The following FGD1 variants were observed in gnomAD, a reference collection of about 807,000 sequenced individuals.
FGD1 encodes the protein FYVE, RhoGEF and PH domain-containing protein 1.
A neutral mutation model predicts 65.0 loss-of-function variants in FGD1; 12 were observed. The ratio of observed to expected loss-of-function variants is 0.18; its 90% CI spans 0.12 to 0.30. FGD1 has a LOEUF of 0.30. Ranked by LOEUF, FGD1 falls within the 10% of genes least tolerant of loss-of-function variation. The pLI, the probability that FGD1 is intolerant of heterozygous loss-of-function variation, is 1.00. For synonymous variants in FGD1, 333 were observed against 343.9 expected, an observed-to-expected ratio of 0.97 and a Z score of 0.35; for missense variants, 542 against 837.6, an observed-to-expected ratio of 0.65 and a Z score of 4.36.
Position 54,495,440 on chromosome X carries a change from G to C in FGD1, c.-8C>G. ...GGCTCGGTGGCCATGCATGGTCCGG[G>C]CCTGGGCGCGGGGCCCGAGCTCCCC... is the stretch of plus-strand genomic sequence containing the variant. On this transcript the variant is annotated 5_prime_UTR_variant, in exon 1 of 18. Transcript: ENST00000375135. 1 of 979,480 alleles carries C rather than the reference G, an allele frequency of 1.0e-6. No individual in the cohort carries two copies. The highest frequency in any genetic ancestry group is 1.3e-6 in the Non-Finnish European group (1 of 784,152). 80.7% of individuals were successfully genotyped at this position (979,480 alleles called of 1,213,427 possible).
At chrX:54,465,408 T>C in intron 8 of FGD1, 43 bp downstream of exon 8, 1 of 1,183,438 alleles carries the variant, frequency 8.4e-7, no homozygotes, top group Non-Finnish European at 1.1e-6. Context: ...CCTAGAGCTA[T>C]TAGTGTGGAG....
At chrX:54,449,516 A>C (rs1922325763) in intron 14 of FGD1, 143 bp downstream of exon 14, 1 of 525,639 alleles carries the variant, frequency 1.9e-6, no homozygotes, top group Non-Finnish European at 3.3e-6. Flanking sequence ...TGGCCCTACC[A>C]ATGGAAGACT....
intron 8 of FGD1, among the ~76,000 whole-genome samples, 186 bp downstream of exon 8, chrX:54,465,265 C>T (rs1441179809): frequency 9.4e-6 from 1 of 106,785 alleles, no homozygotes; most frequent in African/African-American, 3.4e-5. Context: ...AGGAGGATCT[C>T]ATCCTGGGGT....
rs1021456673 is a variant in FGD1 at position 54,447,424 on chromosome X, C to T, written c.2467G>A (p.Val823Ile). The T allele has an allele frequency of 1.5e-5, 18 of 1,209,881 alleles. No individual in the cohort carries two copies. Among genetic ancestry groups the T allele is most frequent in the Middle Eastern group, 2.3e-4 (1 of 4,352 alleles). The change falls in exon 17 of 18, where the codon GTC (valine) becomes ATC (isoleucine). Residue 823 changes from valine to isoleucine, a missense_variant. Around this residue, in one of 6 missense-constraint regions of FGD1, gnomAD observed 182 missense variants for 311.4 expected, o/e 0.58. Coordinates refer to ENST00000375135, the MANE Select transcript of FGD1 (RefSeq NM_004463.3). ...ATGTAGTGCAGGAAGCTGCAGATGA[C>T]GCTGTTCTCTGCAGCCACTGAGGCC... ...KQASVAAENSVICSFLHYMEK... is the reference protein window; with the variant it reads ...KQASVAAENSIICSFLHYMEK...
At chrX:54,494,995 T>C (rs1374269649) in intron 1 of FGD1, 131 bp downstream of exon 1, 16 of 659,413 alleles carry the variant, frequency 2.4e-5, no homozygotes, top group Non-Finnish European at 3.5e-5. Flanking sequence ...AGGAGGGGTT[T>C]GAGGGAACCC....
intron 1 of FGD1, among the ~76,000 whole-genome samples, chrX:54,481,526 A>G (rs1320780721): frequency 6.9e-5 from 7 of 101,943 alleles, no homozygotes; most frequent in Admixed American, 6.7e-4. Context: ...AAGAGGCAAA[A>G]TAATTTGCCT....
intron 1 of FGD1, among the ~76,000 whole-genome samples, chrX:54,481,808 G>A (rs1923148351): frequency 9.2e-6 from 1 of 108,540 alleles, no homozygotes; most frequent in Admixed American, 1.0e-4. Context: ...TATGAGTGAA[G>A]CATATATTTG....
chrX:54,471,252 C>T, intron 2 of FGD1, 62 bp downstream of exon 2: 1 of 1,155,303 alleles, frequency 8.7e-7, no homozygotes. Flanking sequence ...CACTGGCTAA[C>T]TTCTCCCCTC....
rs749593888 is a variant in FGD1 at position 54,470,207 on chromosome X, C to T, written c.910G>A (p.Gly304Arg). 2 of 1,205,960 alleles carry T rather than the reference C, an allele frequency of 1.7e-6. No individual in the cohort carries two copies. Among genetic ancestry groups the T allele is most frequent in the Non-Finnish European group, 2.2e-6 (2 of 893,088 alleles). ...GGGCAGAGGCTGTGGCTGGGGGGCCCGTCATCACTGACGAAGCAGGTCTCC... is the reference window on the plus strand; with the variant it reads ...GGGCAGAGGCTGTGGCTGGGGGGCCTGTCATCACTGACGAAGCAGGTCTCC... ...SEETCFVSDD[G>R]PPSHSLCPGP... The change falls in exon 4 of 18, where the codon GGG becomes AGG. Residue 304 changes from glycine (G) to arginine (R), a missense_variant. Around this residue, in one of 6 missense-constraint regions of FGD1, gnomAD observed 297 missense variants for 326.8 expected, o/e 0.91. Coordinates refer to ENST00000375135, the MANE Select transcript of FGD1 (RefSeq NM_004463.3).
chrX:54,466,864 T>C (rs1028928521), intron 6 of FGD1, among the ~76,000 whole-genome samples: 1 of 109,094 alleles, frequency 9.2e-6, no homozygotes, highest in Non-Finnish European at 1.9e-5. Context: ...ATTCTCCTGC[T>C]TCAGCCTCCC....
At chrX:54,476,052 C>T (rs1323174243) in intron 1 of FGD1, among the ~76,000 whole-genome samples, 1 of 111,238 alleles carries the variant, frequency 9.0e-6, no homozygotes. Context: ...GCAACAAGAG[C>T]GAAACTCTGT....
chrX:54,452,266 CAAAAAAAAAAA>C (rs776104292), intron 12 of FGD1, among the ~76,000 whole-genome samples: 1 of 28,825 alleles, frequency 3.5e-5, no homozygotes, highest in Non-Finnish European at 7.1e-5. Context: ...GACCCTATCT[CAAAAAAAAAAA>C]AAAAAAAAAA....
intron 1 of FGD1, among the ~76,000 whole-genome samples, chrX:54,473,223 C>T (rs893624289): frequency 8.9e-6 from 1 of 112,041 alleles, no homozygotes; most frequent in Admixed American, 9.5e-5. Flanking sequence ...CACAGACAAT[C>T]ATATACCCAG....
At chrX:54,485,050 G>A (rs1923238964) in intron 1 of FGD1, among the ~76,000 whole-genome samples, 2 of 113,216 alleles carry the variant, frequency 1.8e-5, no homozygotes, top group Non-Finnish European at 3.7e-5. Flanking sequence ...AGAGCGGACT[G>A]CCAGCCATCT....
At position 54,495,324 on chromosome X, in the gene FGD1, C is replaced by A. The variant is rs1224147634; in HGVS notation, c.109G>T (p.Ala37Ser). ...CGCGCCAGCAGTCCGGGTTCCGAGG[C>A]TCCAGGGTCCGAGTCGGCACAGGCC... ...PPACADSDPGASEPGLLARRG... is the reference protein window; with the variant it reads ...PPACADSDPGSSEPGLLARRG... Residue 37 changes from alanine to serine, a missense_variant, in exon 1 of 18, where the codon GCC becomes TCC. Ala to Ser is a moderately conservative substitution (Grantham distance 99, BLOSUM62 1). Around this residue, in one of 6 missense-constraint regions of FGD1, gnomAD observed 297 missense variants for 326.8 expected, o/e 0.91. Transcript: ENST00000375135. The A allele has an allele frequency of 1.7e-6, 2 of 1,168,560 alleles. No homozygotes were observed. The highest frequency in any genetic ancestry group is 2.3e-6 in the Non-Finnish European group (2 of 876,125).
chrX:54,466,831 G>A (rs1466272044), intron 6 of FGD1, among the ~76,000 whole-genome samples: 1 of 107,545 alleles, frequency 9.3e-6, no homozygotes, highest in Non-Finnish European at 1.9e-5. Flanking sequence ...CTCACTGCAA[G>A]CTCCACCTCC....
At position 54,475,460 on chromosome X, in the gene FGD1, G is replaced by A. The variant is rs757891448; in HGVS notation, c.308-3973C>T. 3.7e-4 allele frequency among the ~76,000 whole-genome samples: 42 copies of A among 112,239 alleles called. No individual in the cohort carries two copies. In the South Asian group the frequency reaches 0.015, roughly 41 times the overall value. ...ACAAACTGCAGTGTAGCTAGTCAGA[G>A]GGACACCCCTCAACCCTGTCCACAG... On this transcript the variant is annotated intron_variant, in intron 1 of 17. Coordinates refer to ENST00000375135, the MANE Select transcript of FGD1 (RefSeq NM_004463.3).
At chrX:54,456,640 T>G (rs1268088314) in intron 8 of FGD1, 73 bp from the exon 9 acceptor site, 3 of 794,555 alleles carry the variant, frequency 3.8e-6, no homozygotes, top group Non-Finnish European at 5.0e-6. Flanking sequence ...TGTTTTTTGT[T>G]TTTTTTTTTT....
rs192130443 is a variant in FGD1, at chrX:54,492,305, C to T, written c.307+2821G>A. 4.5e-3 allele frequency among the ~76,000 whole-genome samples: 508 copies of T among 112,070 alleles called. 4 individuals carry two copies. The highest frequency in any genetic ancestry group is 0.032 in the Middle Eastern group (7 of 217). On this transcript the variant is annotated intron_variant, in intron 1 of 17. Transcript: ENST00000375135. ...ATTATTATTTTTAAAAGCCTCCCCC[C>T]ACCCCCAGGATGAGCCACTGAGCCC...
Sources: allele counts gnomAD v4.1 joint callset (sites outside exome capture counted in the v4.1 genomes callset), GRCh38; gene constraint gnomAD v4.1.1; regional missense constraint gnomAD v4.1.1; transcripts MANE v1.5; gene names NCBI Gene and HGNC (gene_info 2026-07-23, HGNC 2026-07-21).